HSF2: variants seen among roughly 807,000 people sequenced by gnomAD.
The protein encoded by HSF2 is heat shock transcription factor 2.
HSF2 carries 21 observed loss-of-function variants against 65.0 expected under a neutral mutation model. The ratio of observed to expected loss-of-function variants is 0.32; its 90% CI spans 0.23 to 0.47. The LOEUF (loss-of-function observed/expected upper bound fraction) is 0.47. Among genes scored for constraint, HSF2 ranks in the 20% least tolerant of loss-of-function variants. The pLI, the probability that HSF2 is intolerant of heterozygous loss-of-function variation, is 1.00. For synonymous variants in HSF2, 225 were observed against 219.1 expected, an observed-to-expected ratio of 1.03 and a Z score of -0.24; for missense variants, 499 against 628.1, an observed-to-expected ratio of 0.79 and a Z score of 2.20.
Position 122,416,130 on chromosome 6 carries a change from C to T in HSF2, c.456-91C>T, listed in dbSNP as rs959635983. On this transcript the variant is annotated intron_variant, in intron 4 of 12. Transcript: ENST00000368455. The stretch of plus-strand genomic sequence containing the variant: ...ACATATAGTAAAAACAAGTGTAGTT[C>T]AGTTGTCTGGTATTCTTAATTAAAG... The T allele has an allele frequency of 2.1e-5, 16 of 766,404 alleles. No individual in the cohort carries two copies. In the Admixed American group the frequency reaches 3.7e-4, roughly 18 times the overall value. The allele number at this position is 766,404 out of a possible 1,614,324, so 47.5% of individuals were successfully genotyped here.
At chr6:122,416,401 T>G in intron 5 of HSF2, 105 bp downstream of exon 5, 1 of 638,258 alleles carries the variant, frequency 1.6e-6, no homozygotes, top group Non-Finnish European at 2.8e-6. Context: ...TCTTAGTTTC[T>G]TACATATTGG....
intron 9 of HSF2, 136 bp from the exon 10 acceptor site, chr6:122,423,445 G>T: frequency 2.0e-6 from 1 of 495,374 alleles, no homozygotes. Context: ...TCTAGAATAA[G>T]ATCTCTTAAG....
At chr6:122,410,186 A>G (rs1423730573) in intron 1 of HSF2, among the ~76,000 whole-genome samples, 2 of 151,932 alleles carry the variant, frequency 1.3e-5, no homozygotes, top group Admixed American at 1.3e-4. Flanking sequence ...TTATGATAGC[A>G]TCAATTCATC....
rs150966248 is a variant in HSF2, at chr6:122,432,121, G to A, written c.1512G>A (p.Glu504=). The stretch of plus-strand genomic sequence containing the variant: ...CCCAAAGTAAGCTTGTTCGCCTGGA[G>A]CCATTGACTGAAGCTGAAGCTAGTG... ...EPTQSKLVRL[E]PLTEAEASEA... The change falls in exon 13 of 13, where the codon GAG becomes GAA. Residue 504 remains glutamate (E), a synonymous_variant. Transcript: ENST00000368455. 6.6e-5 allele frequency: 106 copies of A among 1,614,108 alleles called. 1 individual carries two copies. In the African/African-American group the frequency reaches 1.1e-3, roughly 17 times the overall value.
At chr6:122,431,560 T>A (rs769138363) in intron 12 of HSF2, 46 bp downstream of exon 12, 1 of 1,109,424 alleles carries the variant, frequency 9.0e-7, no homozygotes, top group Non-Finnish European at 1.3e-6. Flanking sequence ...TTTTTAATCC[T>A]ATGCAGAAAC....
chr6:122,399,611 G>C (rs372933458), upstream of HSF2: 54 of 730,376 alleles, frequency 7.4e-5, no homozygotes, highest in South Asian at 1.8e-4. Flanking sequence ...GGCGGGGTTG[G>C]GGGGGCGGGG....
At chr6:122,402,599 C>G (rs1297188967) in intron 1 of HSF2, among the ~76,000 whole-genome samples, 1 of 151,888 alleles carries the variant, frequency 6.6e-6, no homozygotes, top group Non-Finnish European at 1.5e-5. Context: ...CTCTGTCACC[C>G]TGGAGTACGG....
chr6:122,409,344 G>T (rs1773938197), intron 1 of HSF2, among the ~76,000 whole-genome samples: 2 of 152,118 alleles, frequency 1.3e-5, no homozygotes, highest in South Asian at 4.1e-4. Context: ...CATTGAATTT[G>T]ATATTTGACA....
chr6:122,399,610 G>A (rs538035361), upstream of HSF2: 17 of 711,710 alleles, frequency 2.4e-5, no homozygotes, highest in Admixed American at 5.6e-5. Flanking sequence ...TGGCGGGGTT[G>A]GGGGGGCGGG....
intron 5 of HSF2, among the ~76,000 whole-genome samples, chr6:122,417,881 G>C (rs1774157530): frequency 6.6e-6 from 1 of 152,106 alleles, no homozygotes; most frequent in African/African-American, 2.4e-5. Context: ...CTTTTCACTA[G>C]CTGTTAACAT....
intron 8 of HSF2, 102 bp downstream of exon 8, chr6:122,422,400 C>T (rs1209661261): frequency 1.1e-6 from 1 of 935,582 alleles, no homozygotes; most frequent in Non-Finnish European, 1.7e-6. Context: ...AATAATCTTT[C>T]TCACATTTGG....
intron 1 of HSF2, among the ~76,000 whole-genome samples, chr6:122,406,442 C>T (rs908879866): frequency 6.6e-6 from 1 of 151,988 alleles, no homozygotes. Flanking sequence ...TAGGCAGGAG[C>T]AGATGGTATA....
intron 1 of HSF2, among the ~76,000 whole-genome samples, chr6:122,402,615 C>T (rs1773763441): frequency 1.3e-5 from 2 of 151,562 alleles, no homozygotes; most frequent in African/African-American, 4.9e-5. Context: ...TACGGTGGCA[C>T]GATCTCGGCT....
At chr6:122,416,087 T>G in intron 4 of HSF2, 134 bp from the exon 5 acceptor site, 1 of 571,366 alleles carries the variant, frequency 1.8e-6, no homozygotes, top group East Asian at 2.9e-5. Context: ...GAACCAAAGT[T>G]TTCTTGGTCT....
chr6:122,399,674 A>AGCTGCCGCC lies in HSF2; in HGVS notation c.-61_-53dup. The AGCTGCCGCC allele has an allele frequency of 2.9e-6, 4 of 1,399,930 alleles. No individual in the cohort carries two copies. The highest frequency in any genetic ancestry group is 4.0e-6 in the Non-Finnish European group (4 of 997,934). The allele number at this position is 1,399,930 out of a possible 1,614,324, so 86.7% of individuals were successfully genotyped here. On this transcript the variant is annotated 5_prime_UTR_variant, in exon 1 of 13. Coordinates refer to ENST00000368455, the MANE Select transcript of HSF2 (RefSeq NM_004506.4). ...GGCGTTCTCGGGGAGCTGCTGCCGT[A>AGCTGCCGCC]GCTGCCGCCGCCGCTACCACCGCGT...
intron 4 of HSF2, among the ~76,000 whole-genome samples, chr6:122,415,724 G>C (rs758799037): frequency 2.2e-4 from 33 of 152,120 alleles, no homozygotes; most frequent in Non-Finnish European, 4.0e-4. Context: ...AGGAAGGAAT[G>C]ATTCTGGTGC....
chr6:122,420,084 A>G (rs747445142), intron 6 of HSF2, 51 bp from the exon 7 acceptor site: 1 of 1,545,068 alleles, frequency 6.5e-7, no homozygotes, highest in South Asian at 1.3e-5. Context: ...GAGGGAGTTT[A>G]AATTCATTGT....
At chr6:122,412,794 G>T in intron 3 of HSF2, 30 bp downstream of exon 3, 2 of 1,607,446 alleles carry the variant, frequency 1.2e-6, no homozygotes, top group South Asian at 1.1e-5. Flanking sequence ...AGCTAATTAG[G>T]GTATTGACCT....
chr6:122,403,565 C>T (rs1354452494), intron 1 of HSF2, among the ~76,000 whole-genome samples: 2 of 152,204 alleles, frequency 1.3e-5, no homozygotes, highest in African/African-American at 4.8e-5. Flanking sequence ...TGAGATCACA[C>T]TACTGCAAGC....
Sources: allele counts gnomAD v4.1 joint callset (sites outside exome capture counted in the v4.1 genomes callset), GRCh38; gene constraint gnomAD v4.1.1; transcripts MANE v1.5; gene names NCBI Gene and HGNC (gene_info 2026-07-23, HGNC 2026-07-21).